SHMT1: variants seen among roughly 807,000 people sequenced by gnomAD.
SHMT1 encodes the protein serine hydroxymethyltransferase 1, also known as serine hydroxymethyltransferase, cytosolic.
Under a neutral mutation model 49.0 loss-of-function variants are expected in SHMT1, and 45 were observed. That is an observed-to-expected ratio of 0.92 (90% confidence interval 0.72 to 1.18). SHMT1 has a LOEUF of 1.18. Among genes scored for constraint, SHMT1 ranks in the 50% most tolerant of loss-of-function variants. The pLI is 0.00. For synonymous variants in SHMT1, 232 were observed against 246.6 expected, an observed-to-expected ratio of 0.94 and a Z score of 0.55; for missense variants, 541 against 612.4, an observed-to-expected ratio of 0.88 and a Z score of 1.23.
intron 10 of SHMT1, 138 bp downstream of exon 10, chr17:18,330,417 T>C: frequency 2.7e-6 from 2 of 752,710 alleles, no homozygotes; most frequent in Non-Finnish European, 4.8e-6. Flanking sequence ...ATTACAGGCG[T>C]GAGCCACCGT....
intron 5 of SHMT1, among the ~76,000 whole-genome samples, chr17:18,344,152 T>C (rs575014280): frequency 5.9e-5 from 9 of 152,132 alleles, no homozygotes; most frequent in Non-Finnish European, 1.0e-4. Context: ...TGGTGGTCAC[T>C]CTTTCCAAAT....
In SHMT1 at chr17:18,329,395, G is replaced by A. The variant is rs768568173; in HGVS notation, c.1172-7C>T. The A allele has an allele frequency of 1.9e-6, 3 of 1,604,936 alleles. No individual in the cohort carries two copies. Among genetic ancestry groups the A allele is most frequent in the Admixed American group, 1.7e-5 (1 of 59,982 alleles). On this transcript the variant is annotated splice_region_variant and splice_polypyrimidine_tract_variant and intron_variant, in intron 10 of 11. Transcript: ENST00000316694. ...CGCAGAGCGCTTCTGTCACCTACAA[G>A]ATAAACGGGGCTCTGTCCCTAAGTC...
rs138283908 is a variant in SHMT1 at position 18,354,583 on chromosome 17, C to T, written c.97-766G>A. ...CGCACTCCAGCCTGGGAAACAAGAG[C>T]GAGACTTCATCTCAGAAAAAGAAAA... On this transcript the variant is annotated intron_variant, in intron 2 of 11. Coordinates refer to ENST00000316694, the MANE Select transcript of SHMT1 (RefSeq NM_004169.5). 4.0e-3 allele frequency among the ~76,000 whole-genome samples: 609 copies of T among 151,788 alleles called. 3 individuals carry two copies. The highest frequency in any genetic ancestry group is 0.014 in the Middle Eastern group (4 of 292).
chr17:18,361,516 A>G (rs113181235), intron 1 of SHMT1, among the ~76,000 whole-genome samples: 14,547 of 149,456 alleles, frequency 0.097, 806 homozygotes, highest in East Asian at 0.16. Context: ...GGCTGGGTGC[A>G]GTGGCTCACA....
At chr17:18,350,351 T>A (rs1000982106) in intron 3 of SHMT1, among the ~76,000 whole-genome samples, 2 of 150,808 alleles carry the variant, frequency 1.3e-5, no homozygotes, top group Non-Finnish European at 3.0e-5. Flanking sequence ...AATAAATAAA[T>A]AAAAAATAAA....
chr17:18,350,053 G>A (rs1985519771), intron 3 of SHMT1, among the ~76,000 whole-genome samples: 1 of 151,962 alleles, frequency 6.6e-6, no homozygotes, highest in Non-Finnish European at 1.5e-5. Flanking sequence ...AATAGGCCGG[G>A]CACGGTGGCT....
chr17:18,328,765 G>A lies in SHMT1; in HGVS notation c.1437C>T (p.Gly479=). The change falls in exon 12 of 12, where the codon GGC becomes GGT. Residue 479 remains glycine, a synonymous_variant. Coordinates refer to ENST00000316694, the MANE Select transcript of SHMT1 (RefSeq NM_004169.5). Reference sequence around the variant, plus strand: ...GCCCGCTCCTTTAGAAGTCAGGCAGGCCAGGCAGAGGGAAGAGAGAGGCGA... The same window carrying A: ...GCCCGCTCCTTTAGAAGTCAGGCAGACCAGGCAGAGGGAAGAGAGAGGCGA... ...ESFASLFPLP[G]LPDF 6.3e-7 allele frequency: 1 copy of A among 1,582,690 alleles called. No homozygotes were observed. Among genetic ancestry groups the A allele is most frequent in the South Asian group, 1.1e-5 (1 of 87,868 alleles).
chr17:18,328,975 T>A, intron 11 of SHMT1, 56 bp from the exon 12 acceptor site: 1 of 1,604,610 alleles, frequency 6.2e-7, no homozygotes. Context: ...GGGGGTACAA[T>A]GGCTGGGGGC....
Position 18,328,773 on chromosome 17 carries a change from G to C in SHMT1, c.1429C>G (p.Leu477Val). The C allele has an allele frequency of 6.3e-7, 1 of 1,589,998 alleles. No individual in the cohort carries two copies. The highest frequency in any genetic ancestry group is 8.6e-7 in the Non-Finnish European group (1 of 1,167,410). The change falls in exon 12 of 12, where the codon CTG becomes GTG. Residue 477 changes from leucine (L) to valine (V), a missense_variant. Transcript: ENST00000316694. ...CTTTAGAAGTCAGGCAGGCCAGGCA[G>C]AGGGAAGAGAGAGGCGAAGCTCTCA... ...EVESFASLFPLPGLPDF is the reference protein window; with the variant it reads ...EVESFASLFPVPGLPDF
intron 7 of SHMT1, 116 bp downstream of exon 7, chr17:18,339,927 A>G: frequency 9.8e-7 from 1 of 1,024,866 alleles, no homozygotes; most frequent in South Asian, 1.3e-5. Flanking sequence ...TGGGATCTTA[A>G]TATTTTCCAA....
At chr17:18,358,424 A>G (rs530817741) in intron 1 of SHMT1, among the ~76,000 whole-genome samples, 3 of 151,930 alleles carry the variant, frequency 2.0e-5, no homozygotes, top group Admixed American at 6.6e-5. Context: ...TGGGAGTCAG[A>G]GGTTGCAGTG....
chr17:18,328,686 T>C lies in SHMT1; in HGVS notation c.*64A>G. On this transcript the variant is annotated 3_prime_UTR_variant, in exon 12 of 12. Transcript: ENST00000316694. ...TGGAGCAGCTCATCCATCTCTCAGG[T>C]GGGGGTCCTCCGGCAGGCAGCTTCC... is the stretch of plus-strand genomic sequence containing the variant. 6.5e-7 allele frequency: 1 copy of C among 1,531,644 alleles called. No individual in the cohort carries two copies. The highest frequency in any genetic ancestry group is 8.8e-7 in the Non-Finnish European group (1 of 1,134,804). The allele number at this position is 1,531,644 out of a possible 1,614,324, so 94.9% of individuals were successfully genotyped here. A position where few individuals can be genotyped will look rare whatever the true frequency, so the allele number is the denominator to read the frequency against.
rs1984395428 is a variant in SHMT1, at chr17:18,340,653, G to A, written c.601+79C>T. The A allele has an allele frequency of 3.2e-6, 4 of 1,268,886 alleles. No homozygotes were observed. The highest frequency in any genetic ancestry group is 4.5e-6 in the Non-Finnish European group (4 of 887,814). The allele number at this position is 1,268,886 out of a possible 1,614,324, so 78.6% of individuals were successfully genotyped here. ...AAACTAGCAGTGGGCTCAACAGGGT[G>A]CGAACATCTTTCCATCCTCATTCTG... is the stretch of plus-strand genomic sequence containing the variant. On this transcript the variant is annotated intron_variant, in intron 6 of 11. Coordinates refer to ENST00000316694, the MANE Select transcript of SHMT1 (RefSeq NM_004169.5). The surrounding 1 kb of genome is among the most constrained non-coding windows in gnomAD (Gnocchi z 4.5).
In SHMT1 at chr17:18,353,031, C is replaced by G. The variant is rs148695391; in HGVS notation, c.242+641G>C. On this transcript the variant is annotated intron_variant, in intron 3 of 11. Coordinates refer to ENST00000316694, the MANE Select transcript of SHMT1 (RefSeq NM_004169.5). ...ATTCTCAGTCTTCTACATAGAGCTT[C>G]AGGGGCATCTCAGGACAGAATGGCA... Among the ~76,000 whole-genome samples the G allele has an allele frequency of 3.2e-3, 489 of 152,286 alleles. 3 individuals carry two copies. The highest frequency in any genetic ancestry group is 0.011 in the African/African-American group (473 of 41,568).
At position 18,328,417 on chromosome 17, in the gene SHMT1, A is replaced by G; in HGVS notation, c.*333T>C. 2.8e-6 allele frequency: 1 copy of G among 358,784 alleles called. No individual in the cohort carries two copies. Among genetic ancestry groups the G allele is most frequent in the East Asian group, 6.7e-5 (1 of 14,984 alleles). 22.2% of individuals were successfully genotyped at this position (358,784 alleles called of 1,614,324 possible). ...AAGCCCAGGGAGAGTAAAACGCTAC[A>G]ATCTTTCTAACAGCTTTGCCCTACA... is the stretch of plus-strand genomic sequence containing the variant. On this transcript the variant is annotated 3_prime_UTR_variant, in exon 12 of 12. Coordinates refer to ENST00000316694, the MANE Select transcript of SHMT1 (RefSeq NM_004169.5).
intron 2 of SHMT1, 47 bp downstream of exon 2, chr17:18,355,839 G>T: frequency 9.0e-7 from 1 of 1,105,862 alleles, no homozygotes; most frequent in Non-Finnish European, 1.4e-6. Context: ...AAGATTAAAT[G>T]AAGGCCTCCA....
At chr17:18,356,232 C>G (rs974965741) in intron 1 of SHMT1, among the ~76,000 whole-genome samples, 10 of 151,852 alleles carry the variant, frequency 6.6e-5, no homozygotes, top group African/African-American at 2.2e-4. Context: ...TTAGTAGAGA[C>G]GAGGTTTCAC....
At chr17:18,355,182 A>C (rs1275444858) in intron 2 of SHMT1, among the ~76,000 whole-genome samples, 1 of 149,942 alleles carries the variant, frequency 6.7e-6, no homozygotes, top group Non-Finnish European at 1.5e-5. Context: ...ATCCTGGCTA[A>C]CATGGTGAAA....
At chr17:18,330,929 T>A in intron 9 of SHMT1, 1 of 492,846 alleles carries the variant, frequency 2.0e-6, no homozygotes, top group Non-Finnish European at 3.8e-6. Flanking sequence ...AAGGGACAGC[T>A]TCCTCAGGCT....
Sources: allele counts gnomAD v4.1 joint callset (sites outside exome capture counted in the v4.1 genomes callset), GRCh38; gene constraint gnomAD v4.1.1; non-coding constraint Gnocchi (gnomAD v3.1); transcripts MANE v1.5; gene names NCBI Gene and HGNC (gene_info 2026-07-23, HGNC 2026-07-21).